The following KDM4C variants were observed in gnomAD, a reference collection of about 807,000 sequenced individuals.
KDM4C encodes the protein lysine demethylase 4C.
Under a neutral mutation model 129.3 loss-of-function variants are expected in KDM4C, and 81 were observed. The observed-to-expected ratio is 0.63, with a 90% CI of 0.52 to 0.75. KDM4C has a LOEUF of 0.75. KDM4C is among the 30% of genes least tolerant of loss of function. The pLI is 0.00. For missense variants in KDM4C, 1,457 were observed against 1,304.0 expected (o/e 1.12, Z -1.81); for synonymous variants, 573 against 456.1 (o/e 1.26, Z -3.26).
chr9:6,893,368 T>G, intron 8 of KDM4C, 136 bp downstream of exon 8: 1 of 548,316 alleles, frequency 1.8e-6, no homozygotes, highest in Non-Finnish European at 3.0e-6. Context: ...GCAATTCACT[T>G]CAGGCTCGAT....
rs532925612 is a variant in KDM4C, at chr9:6,731,668, G to A, written c.49+10671G>A. ...TTTTTGTTTGGTTTGGTCTGTTGGG[G>A]CCTAGCGCATGAGCTCAGTTCAAAA... On this transcript the variant is annotated intron_variant, in intron 1 of 17. Transcript: ENST00000536108. 2.2e-4 allele frequency among the ~76,000 whole-genome samples: 33 copies of A among 152,168 alleles called. No homozygotes were observed. The East Asian group carries it at 4.1e-3, about 19-fold the overall frequency.
At chr9:7,123,931 A>G (rs1057419233) in intron 18 of KDM4C, among the ~76,000 whole-genome samples, 15 of 152,190 alleles carry the variant, frequency 9.9e-5, no homozygotes, top group East Asian at 9.6e-4. Flanking sequence ...ATCCATGCCA[A>G]TGACTCAGAT....
chr9:6,832,196 C>T (rs553017223), intron 4 of KDM4C, among the ~76,000 whole-genome samples: 18 of 151,294 alleles, frequency 1.2e-4, no homozygotes, highest in Admixed American at 5.9e-4. Flanking sequence ...AAAAATTAGC[C>T]GGGCGTGGTG....
At chr9:6,995,308 T>C (rs963232306) in intron 12 of KDM4C, among the ~76,000 whole-genome samples, 1 of 152,122 alleles carries the variant, frequency 6.6e-6, no homozygotes, top group Non-Finnish European at 1.5e-5. Context: ...AACATAAATG[T>C]GTGTACATAC....
chr9:7,002,978 A>C (rs1436388114), intron 12 of KDM4C, among the ~76,000 whole-genome samples: 1 of 152,190 alleles, frequency 6.6e-6, no homozygotes, highest in East Asian at 1.9e-4. Context: ...CTCCTGTCTC[A>C]GCCTCCCGAG....
intron 1 of KDM4C, among the ~76,000 whole-genome samples, chr9:6,750,700 G>A (rs765019287): frequency 2.6e-5 from 4 of 152,230 alleles, no homozygotes; most frequent in African/African-American, 4.8e-5. Context: ...AGTCAATGAA[G>A]AGCCAGGGGC....
At chr9:7,172,452 T>A (rs568160275) in intron 21 of KDM4C, among the ~76,000 whole-genome samples, 1 of 152,372 alleles carries the variant, frequency 6.6e-6, no homozygotes, top group Admixed American at 6.5e-5. Context: ...GTGGCAACAC[T>A]TTCATAGATG....
intron 9 of KDM4C, chr9:6,982,126 C>G (rs1021855977): frequency 2.0e-5 from 3 of 151,798 alleles, no homozygotes; most frequent in African/African-American, 7.3e-5. Context: ...TGTATTTAAT[C>G]CCCTGTAGCT....
At chr9:7,114,431 A>G (rs145526061) in intron 18 of KDM4C, among the ~76,000 whole-genome samples, 12 of 152,366 alleles carry the variant, frequency 7.9e-5, no homozygotes, top group African/African-American at 2.6e-4. Context: ...GAAGGGAATT[A>G]GCACCTATTT....
At chr9:7,017,515 GCTTA>G (rs1823906010) in intron 15 of KDM4C, among the ~76,000 whole-genome samples, 1 of 152,098 alleles carries the variant, frequency 6.6e-6, no homozygotes, top group South Asian at 2.1e-4. Flanking sequence ...TAAAAGTTTA[GCTTA>G]CTTCAAATCT....
intron 8 of KDM4C, among the ~76,000 whole-genome samples, chr9:6,937,591 A>G (rs1825050344): frequency 6.6e-6 from 1 of 152,198 alleles, no homozygotes; most frequent in South Asian, 2.1e-4. Context: ...TGTTGTGCAC[A>G]TGCTGCTCTA....
chr9:6,777,256 C>A (rs1042214133), intron 1 of KDM4C, among the ~76,000 whole-genome samples: 1 of 152,184 alleles, frequency 6.6e-6, no homozygotes, highest in African/African-American at 2.4e-5. Flanking sequence ...ACCTTAAGCA[C>A]CCAAAGCTCT....
rs1029513535 is a variant in KDM4C, at chr9:6,919,545, G to GTCTATCTATCTA, written c.921+26350_921+26361dup. ...TTCAATTTCATCTGTCTGTCTGTCTGTCTATCTATCTATCTATCTATCTAT... is the reference window on the plus strand; with the variant it reads ...TTCAATTTCATCTGTCTGTCTGTCTGTCTATCTATCTATCTATCTATCTATCTATCTATCTAT... On this transcript the variant is annotated intron_variant, in intron 8 of 21. Coordinates refer to ENST00000381309, the MANE Select transcript of KDM4C (RefSeq NM_015061.6). Among the ~76,000 whole-genome samples, 360 of 79,458 alleles carry GTCTATCTATCTA rather than the reference G, an allele frequency of 4.5e-3. 2 individuals carry two copies. Among genetic ancestry groups the GTCTATCTATCTA allele is most frequent in the Non-Finnish European group, 6.2e-3 (208 of 33,656 alleles). 52.1% of individuals were successfully genotyped at this position (79,458 alleles called of 152,430 possible). A position where few individuals can be genotyped will look rare whatever the true frequency, so the allele number is the denominator to read the frequency against.
intron 1 of KDM4C, among the ~76,000 whole-genome samples, chr9:6,777,604 G>T (rs559401391): frequency 6.6e-6 from 1 of 152,066 alleles, no homozygotes; most frequent in East Asian, 1.9e-4. Context: ...TGTTATATCT[G>T]TTCTCCTTAT....
At chr9:6,862,057 C>G (rs1026928713) in intron 5 of KDM4C, among the ~76,000 whole-genome samples, 7 of 152,096 alleles carry the variant, frequency 4.6e-5, no homozygotes. Context: ...CAGGTGTGAG[C>G]CAACGCGCCT....
chr9:6,758,028 A>T lies in KDM4C; in HGVS notation c.-193A>T, dbSNP rs968920188. 1.2e-5 allele frequency: 12 copies of T among 985,176 alleles called. No individual in the cohort carries two copies. Among genetic ancestry groups the T allele is most frequent in the African/African-American group, 1.7e-5 (1 of 57,190 alleles). 61.0% of individuals were successfully genotyped at this position (985,176 alleles called of 1,614,324 possible). A position where few individuals can be genotyped will look rare whatever the true frequency, so the allele number is the denominator to read the frequency against. ...GCCTCCCACCCACCCCCTCGACGGG[A>T]GGGTGAGGCGCGGCGCAGTGATCGG... is the stretch of plus-strand genomic sequence containing the variant. On this transcript the variant is annotated 5_prime_UTR_variant, in exon 1 of 22. Transcript: ENST00000381309. The surrounding 1 kb of genome is among the most constrained non-coding windows in gnomAD (Gnocchi z 4.6).
At chr9:7,030,207 A>G (rs1826491123) in intron 15 of KDM4C, among the ~76,000 whole-genome samples, 1 of 152,152 alleles carries the variant, frequency 6.6e-6, no homozygotes, top group African/African-American at 2.4e-5. Context: ...ACCTTAAATA[A>G]AACTGAATTT....
intron 1 of KDM4C, among the ~76,000 whole-genome samples, chr9:6,738,725 G>A (rs1217274275): frequency 1.3e-5 from 2 of 152,048 alleles, no homozygotes; most frequent in Non-Finnish European, 2.9e-5. Context: ...GATTACAGGG[G>A]CATGCCACCA....
At chr9:7,032,351 C>T (rs1587075251) in intron 15 of KDM4C, among the ~76,000 whole-genome samples, 1 of 152,098 alleles carries the variant, frequency 6.6e-6, no homozygotes, top group South Asian at 2.1e-4. Flanking sequence ...ACTTTTATTC[C>T]AGAACACAAC....
Sources: allele counts gnomAD v4.1 joint callset (sites outside exome capture counted in the v4.1 genomes callset), GRCh38; gene constraint gnomAD v4.1.1; non-coding constraint Gnocchi (gnomAD v3.1); transcripts MANE v1.5; gene names NCBI Gene and HGNC (gene_info 2026-07-23, HGNC 2026-07-21).